DCAF8L2: variants seen among roughly 807,000 people sequenced by gnomAD.
The protein encoded by DCAF8L2 is DDB1 and CUL4 associated factor 8 like 2, also known as DDB1- and CUL4-associated factor 8-like protein 2.
For synonymous variants in DCAF8L2, 200 were observed against 190.9 expected, an observed-to-expected ratio of 1.05 and a Z score of -0.39; for missense variants, 430 against 490.7, an observed-to-expected ratio of 0.88 and a Z score of 1.17.
At chrX:27,524,494 T>C in the DCAF8L2 span, among the ~76,000 whole-genome samples, 1 of 111,228 alleles carries the variant, frequency 9.0e-6, no homozygotes, top group African/African-American at 3.3e-5. Context: ...CTGGATTCAT[T>C]GATTTTTTGA....
intron 2 of DCAF8L2, among the ~76,000 whole-genome samples, chrX:27,641,764 G>A (rs992822786): frequency 3.6e-5 from 4 of 110,579 alleles, no homozygotes; most frequent in Non-Finnish European, 7.6e-5. Context: ...GAGCCACCAC[G>A]CCCGGCCAAG....
At chrX:27,547,182 C>A in the DCAF8L2 span, among the ~76,000 whole-genome samples, 2 of 112,033 alleles carry the variant, frequency 1.8e-5, no homozygotes, top group Non-Finnish European at 3.8e-5. Flanking sequence ...TGCTCCAGTT[C>A]CCAATGAGTT....
At chrX:27,608,069 T>C (rs1360362409) in intron 1 of DCAF8L2, among the ~76,000 whole-genome samples, 1 of 111,748 alleles carries the variant, frequency 8.9e-6, no homozygotes, top group Middle Eastern at 6.8e-3. Context: ...TTATATGATA[T>C]ATGTTAGAGA....
intron 4 of DCAF8L2, among the ~76,000 whole-genome samples, chrX:27,736,922 T>A (rs1921555434): frequency 9.0e-6 from 1 of 111,628 alleles, no homozygotes; most frequent in African/African-American, 3.3e-5. Flanking sequence ...TGCAACAGAT[T>A]GCATGAAGAA....
At chrX:27,630,914 T>A (rs1928260445) in intron 1 of DCAF8L2, among the ~76,000 whole-genome samples, 1 of 111,509 alleles carries the variant, frequency 9.0e-6, no homozygotes, top group Non-Finnish European at 1.9e-5. Flanking sequence ...GTCTCTTTTA[T>A]AAGGGCACTA....
At chrX:27,667,921 C>T (rs2049991326) in intron 2 of DCAF8L2, among the ~76,000 whole-genome samples, 1 of 111,912 alleles carries the variant, frequency 8.9e-6, no homozygotes, top group African/African-American at 3.2e-5. Context: ...AGTATACAAA[C>T]TGAATTGATA....
chrX:27,643,060 A>G (rs777039832), intron 2 of DCAF8L2, among the ~76,000 whole-genome samples: 6 of 112,108 alleles, frequency 5.4e-5, no homozygotes, highest in African/African-American at 1.9e-4. Flanking sequence ...ATATCTCTTC[A>G]AGATAATCAT....
chrX:27,664,922 A>G (rs1929688741), intron 2 of DCAF8L2, among the ~76,000 whole-genome samples: 1 of 111,448 alleles, frequency 9.0e-6, no homozygotes, highest in Non-Finnish European at 1.9e-5. Flanking sequence ...TTCTTTCAAA[A>G]CATTACTGCT....
Position 27,664,107 on chromosome X carries a change from T to A in DCAF8L2, c.-219-13729T>A, listed in dbSNP as rs751882252. On this transcript the variant is annotated intron_variant, in intron 2 of 4. Transcript: ENST00000451261. ...ATTTTAAGTCATAAGCTAGAAATGA[T>A]CAAACTTAGTGAGGAAGGCATTTCA... is the stretch of plus-strand genomic sequence containing the variant. Among the ~76,000 whole-genome samples the A allele has an allele frequency of 1.9e-4, 21 of 110,452 alleles. No homozygotes were observed. The East Asian group carries it at 6.0e-3, about 32-fold the overall frequency.
the DCAF8L2 span, among the ~76,000 whole-genome samples, chrX:27,550,119 G>T: frequency 8.9e-6 from 1 of 112,132 alleles, no homozygotes; most frequent in African/African-American, 3.2e-5. Flanking sequence ...AATGGTCCTA[G>T]AAAGCAACTC....
At chrX:27,720,409 T>C (rs1465533504) in intron 4 of DCAF8L2, among the ~76,000 whole-genome samples, 5 of 110,972 alleles carry the variant, frequency 4.5e-5, no homozygotes, top group African/African-American at 1.6e-4. Flanking sequence ...CTCTGTCGCC[T>C]AGGCCGGACT....
chrX:27,483,458 A>G, the DCAF8L2 span, among the ~76,000 whole-genome samples: 1 of 112,182 alleles, frequency 8.9e-6, no homozygotes, highest in Non-Finnish European at 1.9e-5. Flanking sequence ...AAAAATTTTA[A>G]CGAAACTAAG....
At chrX:27,520,751 G>A in the DCAF8L2 span, among the ~76,000 whole-genome samples, 1 of 111,892 alleles carries the variant, frequency 8.9e-6, no homozygotes, top group Non-Finnish European at 1.9e-5. Context: ...TTAAGAAATT[G>A]TGTCAATAGC....
chrX:27,723,572 G>A lies in DCAF8L2; in HGVS notation c.-59+7401G>A, dbSNP rs754145929. On this transcript the variant is annotated intron_variant, in intron 4 of 4. Coordinates refer to ENST00000451261, the MANE Select transcript of DCAF8L2 (RefSeq NM_001353450.2). ...ATATTCCAAATTTTTAACAAAGCAT[G>A]GCTGTTGAGACTATGGGAAAACAGC... 3.6e-5 allele frequency among the ~76,000 whole-genome samples: 4 copies of A among 111,476 alleles called. No individual in the cohort carries two copies. In the South Asian group the frequency reaches 1.5e-3, roughly 41 times the overall value.
the DCAF8L2 span, among the ~76,000 whole-genome samples, chrX:27,501,828 A>G: frequency 8.1e-5 from 9 of 110,815 alleles, no homozygotes; most frequent in African/African-American, 3.0e-4. Flanking sequence ...GTACTGAGTC[A>G]TAGTGGAGAA....
chrX:27,568,480 G>A, the DCAF8L2 span, among the ~76,000 whole-genome samples: 4 of 111,345 alleles, frequency 3.6e-5, no homozygotes, highest in African/African-American at 9.8e-5. Flanking sequence ...CATTATTTCT[G>A]AGTAATGATA....
chrX:27,473,472 T>C, the DCAF8L2 span, among the ~76,000 whole-genome samples: 1 of 110,930 alleles, frequency 9.0e-6, no homozygotes, highest in Non-Finnish European at 1.9e-5. Flanking sequence ...CCTGTTTTAC[T>C]TTCTTCCTAT....
At position 27,696,405 on chromosome X, in the gene DCAF8L2, G is replaced by GT. The variant is rs1188405771; in HGVS notation, c.-143+18493_-143+18494insT. ...TGCTAGAAAGAATACAGCCAAGCCT[G>GT]ACTCTAACTGTGGTTTCTTGAACAA... On this transcript the variant is annotated intron_variant, in intron 3 of 4. Transcript: ENST00000451261. Among the ~76,000 whole-genome samples the GT allele has an allele frequency of 2.7e-5, 3 of 111,081 alleles. No homozygotes were observed. In the East Asian group the frequency reaches 8.6e-4, roughly 32 times the overall value.
chrX:27,634,957 T>TAC (rs571012816), intron 2 of DCAF8L2, among the ~76,000 whole-genome samples: 10,815 of 99,469 alleles, frequency 0.11, 659 homozygotes, highest in African/African-American at 0.21. Context: ...ACCATGTATA[T>TAC]ACACACACAC....
Sources: gnomAD v4.1 joint callset for allele counts (sites outside exome capture counted in the v4.1 genomes callset) on GRCh38, gnomAD v4.1.1 for gene constraint, MANE v1.5 for transcripts, NCBI Gene and HGNC (gene_info 2026-07-23, HGNC 2026-07-21) for gene names.